TRAPPC8: variants seen among roughly 807,000 people sequenced by gnomAD.
TRAPPC8 encodes general sporulation gene 1 homolog.
TRAPPC8 carries 54 observed loss-of-function variants against 174.3 expected under a neutral mutation model. The ratio of observed to expected loss-of-function variants is 0.31; its 90% CI spans 0.25 to 0.39. TRAPPC8 has a LOEUF of 0.39. TRAPPC8 is among the 10% of genes least tolerant of loss of function. The pLI is 1.00. For synonymous variants in TRAPPC8, 630 were observed against 579.9 expected (o/e 1.09, Z -1.24); for missense variants, 1,531 against 1,699.1 (o/e 0.90, Z 1.74).
intron 9 of TRAPPC8, among the ~76,000 whole-genome samples, chr18:31,905,664 T>G (rs540366941): frequency 2.0e-5 from 3 of 152,232 alleles, no homozygotes; most frequent in African/African-American, 7.2e-5. Flanking sequence ...TGAATAGGTT[T>G]CAAGAAGACT....
chr18:31,839,894 A>G (rs866324902), intron 26 of TRAPPC8, among the ~76,000 whole-genome samples: 39 of 152,336 alleles, frequency 2.6e-4, no homozygotes, highest in African/African-American at 9.4e-4. Context: ...CTGAAAATCT[A>G]AAACTGTTTA....
chr18:31,854,965 CAA>C (rs71175798), intron 21 of TRAPPC8, among the ~76,000 whole-genome samples: 1 of 45,644 alleles, frequency 2.2e-5, no homozygotes, highest in African/African-American at 9.6e-5. Context: ...GACTCCATCT[CAA>C]AAAAAAAAAA....
Position 31,843,190 on chromosome 18 carries a change from CAA to C in TRAPPC8, c.3837+3524_3837+3525del, listed in dbSNP as rs199916976. Among the ~76,000 whole-genome samples the C allele has an allele frequency of 9.9e-5, 15 of 152,182 alleles. No homozygotes were observed. The East Asian group carries it at 2.9e-3, about 29-fold the overall frequency. ...AGCAGGCTCTTATATTTAAAAATAA[CAA>C]GAGAAATTATAATTCCTTTCTTTTT... On this transcript the variant is annotated intron_variant, in intron 26 of 28. Transcript: ENST00000283351.
rs1314081054 is a variant in TRAPPC8 at position 31,908,410 on chromosome 18, T to G, written c.1131A>C (p.Ser377=). 1.9e-6 allele frequency: 3 copies of G among 1,564,778 alleles called. No individual in the cohort carries two copies. In the African/African-American group the frequency reaches 4.1e-5, roughly 22 times the overall value. Reference sequence around the variant, plus strand: ...ATAGAGATCGACTCAAACCTTTTCTTGATATTAGCTTTAAAAAAGAGATTA... The same window carrying G: ...ATAGAGATCGACTCAAACCTTTTCTGGATATTAGCTTTAAAAAAGAGATTA... The part of the protein sequence containing the change: ...TIRQLNDQLI[S]RKGLSRSLFS... The change falls in exon 8 of 29, where the codon TCA becomes TCC. Residue 377 remains serine, a synonymous_variant. Transcript: ENST00000283351.
chr18:31,836,187 G>A (rs1323789390), intron 27 of TRAPPC8, among the ~76,000 whole-genome samples: 1 of 152,202 alleles, frequency 6.6e-6, no homozygotes, highest in Non-Finnish European at 1.5e-5. Context: ...CAGAGAATCT[G>A]ATTGAATCAG....
chr18:31,831,444 A>G (rs539252969), intron 28 of TRAPPC8, among the ~76,000 whole-genome samples: 24 of 152,334 alleles, frequency 1.6e-4, no homozygotes, highest in African/African-American at 5.8e-4. Context: ...CATCATTACT[A>G]TAACAGCTAA....
At chr18:31,909,860 G>T in intron 5 of TRAPPC8, 100 bp from the exon 6 acceptor site, 1 of 769,790 alleles carries the variant, frequency 1.3e-6, no homozygotes, top group Non-Finnish European at 1.9e-6. Context: ...CTAACTGTTG[G>T]CCTCATTTAT....
chr18:31,925,106 C>T (rs954749207), intron 2 of TRAPPC8, among the ~76,000 whole-genome samples: 1 of 151,970 alleles, frequency 6.6e-6, no homozygotes, highest in African/African-American at 2.4e-5. Flanking sequence ...AGTCTACTAA[C>T]TGATAAGCTT....
chr18:31,912,883 T>G (rs1164112326), intron 5 of TRAPPC8, among the ~76,000 whole-genome samples: 2 of 152,096 alleles, frequency 1.3e-5, no homozygotes, highest in Non-Finnish European at 2.9e-5. Flanking sequence ...ACCCTAACAC[T>G]TTGGGAAGTT....
rs374439398 is a variant in TRAPPC8, at chr18:31,881,770, T to C, written c.1729-7066A>G. Among the ~76,000 whole-genome samples the C allele has an allele frequency of 2.3e-4, 35 of 151,978 alleles. No homozygotes were observed. In the East Asian group the frequency reaches 4.1e-3, roughly 18 times the overall value. ...CGACAAAGGACTAATATCCAGAATCTAAAAGTAACTTAAATCAAGAAAAAA... is the reference window on the plus strand; with the variant it reads ...CGACAAAGGACTAATATCCAGAATCCAAAAGTAACTTAAATCAAGAAAAAA... On this transcript the variant is annotated intron_variant, in intron 12 of 28. Coordinates refer to ENST00000283351, the MANE Select transcript of TRAPPC8 (RefSeq NM_014939.5).
intron 5 of TRAPPC8, among the ~76,000 whole-genome samples, chr18:31,911,054 T>C (rs1357628958): frequency 6.6e-6 from 1 of 152,188 alleles, no homozygotes; most frequent in Non-Finnish European, 1.5e-5. Flanking sequence ...ACATTTAGAT[T>C]TAAAGATTCC....
At chr18:31,896,054 C>T (rs2036170808) in intron 11 of TRAPPC8, 1 of 152,158 alleles carries the variant, frequency 6.6e-6, no homozygotes, top group Non-Finnish European at 1.5e-5. Context: ...AAGCTAACAG[C>T]TTAAGAAGCT....
chr18:31,878,456 TAAA>T (rs1457335101), intron 12 of TRAPPC8, among the ~76,000 whole-genome samples: 1 of 152,118 alleles, frequency 6.6e-6, no homozygotes, highest in Non-Finnish European at 1.5e-5. Flanking sequence ...AAGAAAATGC[TAAA>T]GAAATTTGTC....
chr18:31,941,400 G>C (rs71361360), intron 1 of TRAPPC8, among the ~76,000 whole-genome samples: 20,505 of 152,112 alleles, frequency 0.13, 1,884 homozygotes, highest in Middle Eastern at 0.22. Flanking sequence ...CTGAGATCGC[G>C]CCACTGCACT....
At chr18:31,907,354 C>G in intron 9 of TRAPPC8, 106 bp downstream of exon 9, 1 of 1,161,292 alleles carries the variant, frequency 8.6e-7, no homozygotes, top group Non-Finnish European at 1.2e-6. Context: ...ACTATATGCT[C>G]TTTGAGTACA....
chr18:31,900,616 A>G (rs527589674), intron 10 of TRAPPC8, among the ~76,000 whole-genome samples: 27 of 152,348 alleles, frequency 1.8e-4, no homozygotes, highest in Non-Finnish European at 2.9e-4. Context: ...TGTTTTGCCT[A>G]TTTAACAAAG....
At chr18:31,876,489 C>CAAAAAAAAAAAA (rs71175801) in intron 12 of TRAPPC8, among the ~76,000 whole-genome samples, 1,246 of 48,684 alleles carry the variant, frequency 0.026, 207 homozygotes, top group Non-Finnish European at 0.033. Context: ...GACTCCATCT[C>CAAAAAAAAAAAA]AAAAAAAAAA....
intron 26 of TRAPPC8, 22 bp from the exon 27 acceptor site, chr18:31,839,479 A>G (rs751086649): frequency 1.3e-6 from 2 of 1,571,872 alleles, no homozygotes; most frequent in Admixed American, 2.1e-5. Flanking sequence ...AAGAAAAAAC[A>G]TATGACAATA....
rs1489203901 is a variant in TRAPPC8, at chr18:31,913,575, CA to C, written c.618-54del. On this transcript the variant is annotated intron_variant, in intron 4 of 28. Coordinates refer to ENST00000283351, the MANE Select transcript of TRAPPC8 (RefSeq NM_014939.5). ...AAGTAAAAGAGGAGCAGGCCTTAGG[CA>C]ATAATAGAGACTAAAGTAGTACAAA... is the stretch of plus-strand genomic sequence containing the variant. The C allele has an allele frequency of 2.4e-5, 34 of 1,403,676 alleles. 1 individual carries two copies. Among genetic ancestry groups the C allele is most frequent in the Non-Finnish European group, 3.2e-5 (34 of 1,055,704 alleles). 87.0% of individuals were successfully genotyped at this position (1,403,676 alleles called of 1,614,324 possible). A position where few individuals can be genotyped will look rare whatever the true frequency, so the allele number is the denominator to read the frequency against.
Sources: allele counts gnomAD v4.1 joint callset (sites outside exome capture counted in the v4.1 genomes callset), GRCh38; gene constraint gnomAD v4.1.1; transcripts MANE v1.5; gene names NCBI Gene and HGNC (gene_info 2026-07-23, HGNC 2026-07-21).